GRM7: variants seen among roughly 807,000 people sequenced by gnomAD.
GRM7 encodes the protein glutamate metabotropic receptor 7.
GRM7 carries 35 observed loss-of-function variants against 84.5 expected under a neutral mutation model. The ratio of observed to expected loss-of-function variants is 0.41; its 90% confidence interval spans 0.32 to 0.55. The LOEUF is 0.55. Ranked by LOEUF, GRM7 falls within the 20% of genes least tolerant of loss-of-function variation. GRM7 has a pLI of 0.19. For synonymous variants in GRM7, 487 were observed against 455.1 expected (o/e 1.07, Z -0.89); for missense variants, 1,003 against 1,194.6 (o/e 0.84, Z 2.36).
chr3:6,861,619 C>A lies in GRM7; in HGVS notation c.231C>A (p.His77Gln). ...ACATCAAGAGGGAAAACGGGATCCA[C>A]AGGCTGGAAGCGATGCTCTACGCCC... ...CGDIKRENGIHRLEAMLYALD... is the reference protein window; with the variant it reads ...CGDIKRENGIQRLEAMLYALD... Residue 77 changes from histidine (H) to glutamine (Q), a missense_variant, in exon 1 of 10, where the codon CAC (histidine) becomes CAA (glutamine). His to Gln is a conservative substitution (Grantham distance 24, BLOSUM62 0). Coordinates refer to ENST00000357716, the MANE Select transcript of GRM7 (RefSeq NM_000844.4). The surrounding 1 kb of genome is among the most constrained non-coding windows in gnomAD (Gnocchi z 6.4). 6.2e-7 allele frequency: 1 copy of A among 1,613,082 alleles called. No homozygotes were observed. The highest frequency in any genetic ancestry group is 2.2e-5 in the East Asian group (1 of 44,780).
intron 4 of GRM7, among the ~76,000 whole-genome samples, chr3:7,410,811 A>G (rs1036923138): frequency 3.3e-4 from 50 of 152,152 alleles, no homozygotes; most frequent in Admixed American, 2.9e-3. Context: ...GGTATATACC[A>G]CAACAGGATT....
chr3:7,724,970 G>C (rs1234250409), intron 9 of GRM7, among the ~76,000 whole-genome samples: 1 of 151,916 alleles, frequency 6.6e-6, no homozygotes, highest in Non-Finnish European at 1.5e-5. Context: ...TACAGAGATG[G>C]GGTCTTACTT....
intron 4 of GRM7, among the ~76,000 whole-genome samples, chr3:7,356,598 C>T (rs762008654): frequency 4.6e-5 from 7 of 152,094 alleles, no homozygotes; most frequent in South Asian, 2.1e-4. Context: ...CCACCACTCC[C>T]GGCCAGCAGA....
chr3:7,448,294 T>G (rs1039749159), intron 5 of GRM7, among the ~76,000 whole-genome samples: 1 of 151,904 alleles, frequency 6.6e-6, no homozygotes, highest in African/African-American at 2.4e-5. Flanking sequence ...CAAATGGTAT[T>G]TCTAGTTCTA....
At chr3:7,038,481 C>T (rs1319876583) in intron 1 of GRM7, among the ~76,000 whole-genome samples, 3 of 152,108 alleles carry the variant, frequency 2.0e-5, no homozygotes, top group African/African-American at 7.2e-5. Context: ...ATTGACTTAG[C>T]GGCTGCCTAT....
At chr3:7,621,531 C>T (rs1697354458) in intron 8 of GRM7, among the ~76,000 whole-genome samples, 1 of 152,114 alleles carries the variant, frequency 6.6e-6, no homozygotes, top group Non-Finnish European at 1.5e-5. Context: ...GGAGGGGACG[C>T]ACGATGGAGT....
intron 1 of GRM7, among the ~76,000 whole-genome samples, chr3:7,106,931 A>G (rs1051177345): frequency 5.3e-5 from 8 of 152,066 alleles, no homozygotes; most frequent in Admixed American, 3.3e-4. Context: ...ACACAAATGT[A>G]TTGAGTGCAT....
intron 9 of GRM7, among the ~76,000 whole-genome samples, chr3:7,717,135 C>CA (rs986771813): frequency 6.6e-6 from 1 of 151,620 alleles, no homozygotes; most frequent in Non-Finnish European, 1.5e-5. Flanking sequence ...TTTTCCCTTC[C>CA]TTTTTTTTCA....
intron 4 of GRM7, among the ~76,000 whole-genome samples, chr3:7,315,931 TAAG>T (rs1700566270): frequency 6.6e-6 from 1 of 151,934 alleles, no homozygotes; most frequent in Admixed American, 6.6e-5. Flanking sequence ...TGCTATAAAG[TAAG>T]AAAAAATAGA....
At chr3:6,962,207 G>A (rs576813714) in intron 1 of GRM7, among the ~76,000 whole-genome samples, 4 of 152,232 alleles carry the variant, frequency 2.6e-5, no homozygotes, top group South Asian at 2.1e-4. Context: ...TTTAGGAAAC[G>A]TGAAGACTAT....
intron 2 of GRM7, among the ~76,000 whole-genome samples, chr3:7,244,447 G>GA (rs1232805087): frequency 2.0e-5 from 3 of 151,916 alleles, no homozygotes; most frequent in East Asian, 3.9e-4. Flanking sequence ...ATATTCAATA[G>GA]AAAAAAACAG....
chr3:7,286,661 A>G (rs1336369466), intron 2 of GRM7, among the ~76,000 whole-genome samples: 1 of 152,160 alleles, frequency 6.6e-6, no homozygotes, highest in Non-Finnish European at 1.5e-5. Context: ...AAAACTGGTC[A>G]TGTTTTATTC....
intron 8 of GRM7, among the ~76,000 whole-genome samples, chr3:7,625,285 C>A (rs990737997): frequency 6.6e-6 from 1 of 152,010 alleles, no homozygotes; most frequent in African/African-American, 2.4e-5. Context: ...CAGTAACAAA[C>A]AAGATTCGCT....
At chr3:7,107,486 T>C (rs933197464) in intron 1 of GRM7, among the ~76,000 whole-genome samples, 1 of 152,034 alleles carries the variant, frequency 6.6e-6, no homozygotes, top group African/African-American at 2.4e-5. Flanking sequence ...ATAACAAAGA[T>C]GTGTACCAGA....
At chr3:7,264,107 G>A (rs1698543929) in intron 2 of GRM7, among the ~76,000 whole-genome samples, 1 of 152,130 alleles carries the variant, frequency 6.6e-6, no homozygotes, top group African/African-American at 2.4e-5. Context: ...TGTCCCCTCT[G>A]GGTACCCCAG....
At chr3:7,163,390 A>C (rs1694696427) in intron 2 of GRM7, among the ~76,000 whole-genome samples, 1 of 152,234 alleles carries the variant, frequency 6.6e-6, no homozygotes, top group African/African-American at 2.4e-5. Flanking sequence ...GAATGTAACC[A>C]GAAGCGCTTT....
intron 7 of GRM7, among the ~76,000 whole-genome samples, chr3:7,531,494 G>C (rs1701034512): frequency 6.6e-6 from 1 of 152,166 alleles, no homozygotes; most frequent in African/African-American, 2.4e-5. Flanking sequence ...TCCTTGAGCA[G>C]AGGTTTGTAG....
rs201779962 is a variant in GRM7 at position 7,452,600 on chromosome 3, T to C, written c.1175-7T>C. ...TGTGTGTGTGTGTTTCTTGTTTTAA[T>C]GTGCAGGACAGGAGAGAATTGGAAA... On this transcript the variant is annotated splice_polypyrimidine_tract_variant and splice_region_variant and intron_variant, in intron 5 of 9. Coordinates refer to ENST00000357716, the MANE Select transcript of GRM7 (RefSeq NM_000844.4). 8 of 1,575,506 alleles carry C rather than the reference T, an allele frequency of 5.1e-6. No homozygotes were observed. In the African/African-American group the frequency reaches 6.7e-5, roughly 13 times the overall value.
chr3:7,354,289 A>T lies in GRM7; in HGVS notation c.1033+47637A>T, dbSNP rs534141328. On this transcript the variant is annotated intron_variant, in intron 4 of 9. Coordinates refer to ENST00000357716, the MANE Select transcript of GRM7 (RefSeq NM_000844.4). ...ATTCCAGGAGACCTGAAAAGTTAGT[A>T]TGGCCCTCTAATTAGTGTAGAGCTT... 1.6e-4 allele frequency among the ~76,000 whole-genome samples: 24 copies of T among 152,252 alleles called. No individual in the cohort carries two copies. In the South Asian group the frequency reaches 4.6e-3, roughly 29 times the overall value.
Sources: gnomAD v4.1 joint callset for allele counts (sites outside exome capture counted in the v4.1 genomes callset) on GRCh38, gnomAD v4.1.1 for gene constraint, Gnocchi (gnomAD v3.1) non-coding constraint, MANE v1.5 for transcripts, NCBI Gene and HGNC (gene_info 2026-07-23, HGNC 2026-07-21) for gene names.